The following ACTN1 variants were observed in gnomAD, a reference collection of about 807,000 sequenced individuals.
ACTN1 encodes the protein actinin alpha 1, also known as alpha-actinin-1.
A neutral mutation model predicts 119.6 loss-of-function variants in ACTN1; 30 were observed. That is an observed-to-expected ratio of 0.25 (90% CI 0.19 to 0.34). The LOEUF is 0.34. ACTN1 is among the 10% of genes least tolerant of loss of function. ACTN1 has a pLI of 1.00. For synonymous variants in ACTN1, 429 were observed against 472.6 expected (o/e 0.91, Z 1.20); for missense variants, 764 against 1,223.4 (o/e 0.62, Z 5.60).
intron 1 of ACTN1, among the ~76,000 whole-genome samples, chr14:68,951,190 G>A (rs916611928): frequency 1.3e-5 from 2 of 152,218 alleles, no homozygotes; most frequent in African/African-American, 4.8e-5. Context: ...CCTGGGCCCT[G>A]ACTCCAGGGT....
At chr14:68,875,095 CT>C (rs766265937) in intron 21 of ACTN1, 78 bp from the exon 22 acceptor site, 10 of 1,588,070 alleles carry the variant, frequency 6.3e-6, no homozygotes, top group Non-Finnish European at 8.5e-6. Flanking sequence ...GCCGCAAAGC[CT>C]GGCGGCGTGA....
chr14:68,959,383 T>C (rs750274087), intron 1 of ACTN1, among the ~76,000 whole-genome samples: 2 of 152,236 alleles, frequency 1.3e-5, no homozygotes, highest in Non-Finnish European at 2.9e-5. Flanking sequence ...ATGAAACTAA[T>C]ACTGACAGCA....
intron 1 of ACTN1, chr14:68,978,408 A>C: frequency 2.9e-6 from 1 of 350,416 alleles, no homozygotes; most frequent in Admixed American, 3.9e-5. Context: ...CTCCAGGCAG[A>C]TCCGGAGGCG....
chr14:68,911,010 C>T (rs1274043901), intron 4 of ACTN1, among the ~76,000 whole-genome samples: 2 of 152,130 alleles, frequency 1.3e-5, no homozygotes, highest in East Asian at 1.9e-4. Flanking sequence ...TTACCAGCAG[C>T]GTGAAAACGG....
intron 1 of ACTN1, among the ~76,000 whole-genome samples, chr14:68,948,027 G>A (rs941979557): frequency 3.3e-5 from 5 of 152,236 alleles, no homozygotes; most frequent in Non-Finnish European, 7.3e-5. Context: ...TGGGGAGGAA[G>A]CAGTTTCCTT....
intron 6 of ACTN1, among the ~76,000 whole-genome samples, chr14:68,905,297 G>A (rs1049269974): frequency 3.3e-5 from 5 of 152,218 alleles, no homozygotes; most frequent in African/African-American, 1.2e-4. Context: ...AGAACACTTA[G>A]CGGGGCTTGG....
chr14:68,957,551 C>T (rs1423089197), intron 1 of ACTN1, among the ~76,000 whole-genome samples: 3 of 152,224 alleles, frequency 2.0e-5, no homozygotes, highest in African/African-American at 4.8e-5. Flanking sequence ...ACTGAAGCCT[C>T]GCTCTCTATT....
At chr14:68,926,580 G>A (rs1361392547) in intron 1 of ACTN1, among the ~76,000 whole-genome samples, 1 of 152,216 alleles carries the variant, frequency 6.6e-6, no homozygotes, top group Admixed American at 6.5e-5. Context: ...GGCAACTCCA[G>A]ACTTCTCTGC....
rs1043589155 is a variant in ACTN1, at chr14:68,909,322, C to T, written c.590G>A (p.Arg197Gln). The T allele has an allele frequency of 1.1e-5, 17 of 1,613,806 alleles. No homozygotes were observed. The highest frequency in any genetic ancestry group is 1.4e-5 in the Non-Finnish European group (17 of 1,179,972). The change falls in exon 6 of 22, where the codon CGG becomes CAG. Residue 197 changes from arginine to glutamine, a missense_variant. By Grantham distance (43) the Arg-to-Gln change is conservative (BLOSUM62 1). Coordinates refer to ENST00000394419, the MANE Select transcript of ACTN1 (RefSeq NM_001130004.2). This position sits in a 1 kb window ranked among gnomAD's most constrained non-coding sequence, Gnocchi z 4.1. The stretch of plus-strand genomic sequence containing the variant: ...TGGTCAGGTGGGCACACATACCTTC[C>T]GCAGCTTCCCGTAGTCAATCAGCTC... ...RPELIDYGKL[R>Q]KDDPLTNLNT...
At chr14:68,940,921 C>T (rs2035742888) in intron 1 of ACTN1, among the ~76,000 whole-genome samples, 1 of 152,202 alleles carries the variant, frequency 6.6e-6, no homozygotes, top group Admixed American at 6.5e-5. Flanking sequence ...AGCTTCTGTC[C>T]TGGTCTGTCC....
intron 1 of ACTN1, 39 bp downstream of exon 1, chr14:68,978,913 G>GGGGGCTGGGGGCT (rs1566688987): frequency 2.1e-6 from 3 of 1,400,274 alleles, no homozygotes; most frequent in South Asian, 1.3e-5. Context: ...GCTGGGGGCT[G>GGGGGCTGGGGGCT]GGGGCTGGGG....
At position 68,883,041 on chromosome 14, in the gene ACTN1, G is replaced by A. The variant is rs1288122618; in HGVS notation, c.1650C>T (p.Ala550=). ...GGAGGGTGGCCTTGAACTGCTCATG[G>A]GCTGTGGTCAGTCCCTGGACAGAGA... The part of the protein sequence containing the change: ...TIEEIQGLTT[A]HEQFKATLPD... The change falls in exon 15 of 22, where the codon GCC becomes GCT. Residue 550 remains alanine, a synonymous_variant. Transcript: ENST00000394419. 6.2e-7 allele frequency: 1 copy of A among 1,614,164 alleles called. No individual in the cohort carries two copies. Among genetic ancestry groups the A allele is most frequent in the South Asian group, 1.1e-5 (1 of 91,076 alleles).
At chr14:68,881,077 G>A (rs1456228656) in intron 16 of ACTN1, 88 bp from the exon 17 acceptor site, 10 of 1,305,832 alleles carry the variant, frequency 7.7e-6, no homozygotes, top group Middle Eastern at 2.4e-4. Context: ...CACTTATTAA[G>A]CCCTCAAATG....
chr14:68,926,843 G>A (rs1429093108), intron 1 of ACTN1, among the ~76,000 whole-genome samples: 1 of 152,180 alleles, frequency 6.6e-6, no homozygotes, highest in Non-Finnish European at 1.5e-5. Flanking sequence ...TCACACCAGC[G>A]AGTATCAGGG....
rs59100043 is a variant in ACTN1 at position 68,973,307 on chromosome 14, CAT to C, written c.105+5643_105+5644del. ...TGAATTGTAGTTCCCATAATCCCCA[CAT>C]GTCGTGGGAGGGACCCGGTGGGAGG... On this transcript the variant is annotated intron_variant, in intron 1 of 21. Transcript: ENST00000394419. 1.7e-3 allele frequency among the ~76,000 whole-genome samples: 260 copies of C among 152,324 alleles called. 1 individual carries two copies. Among genetic ancestry groups the C allele is most frequent in the African/African-American group, 5.6e-3 (231 of 41,562 alleles).
In ACTN1 at chr14:68,974,671, T is replaced by C. The variant is rs116983251; in HGVS notation, c.105+4281A>G. ...CACCAGCTCCTGCCAATGGCCATTA[T>C]TGGCAGAGCCTGTTGCAACTCTGCA... On this transcript the variant is annotated intron_variant, in intron 1 of 21. Transcript: ENST00000394419. 2.4e-3 allele frequency among the ~76,000 whole-genome samples: 360 copies of C among 152,316 alleles called. 6 individuals are homozygous for C. The highest frequency in any genetic ancestry group is 8.1e-3 in the East Asian group (42 of 5,180).
chr14:68,923,050 A>C (rs1045302837), intron 2 of ACTN1, among the ~76,000 whole-genome samples: 1 of 152,244 alleles, frequency 6.6e-6, no homozygotes, highest in Non-Finnish European at 1.5e-5. Flanking sequence ...CATGCTTCAC[A>C]GAAATGCACA....
chr14:68,942,275 G>A (rs1323820709), intron 1 of ACTN1, among the ~76,000 whole-genome samples: 2 of 152,120 alleles, frequency 1.3e-5, no homozygotes, highest in Non-Finnish European at 2.9e-5. Context: ...AGCTACCCAG[G>A]AGGCTGAGGT....
intron 1 of ACTN1, among the ~76,000 whole-genome samples, chr14:68,941,011 G>A (rs1224379696): frequency 6.6e-6 from 1 of 152,190 alleles, no homozygotes; most frequent in Non-Finnish European, 1.5e-5. Flanking sequence ...CCCCCATGGT[G>A]GTTCCGGTCA....
Sources: gnomAD v4.1 joint callset for allele counts (sites outside exome capture counted in the v4.1 genomes callset) on GRCh38, gnomAD v4.1.1 for gene constraint, Gnocchi (gnomAD v3.1) non-coding constraint, MANE v1.5 for transcripts, NCBI Gene and HGNC (gene_info 2026-07-23, HGNC 2026-07-21) for gene names.